NEDD4: variants seen among roughly 807,000 people sequenced by gnomAD.
The protein encoded by NEDD4 is NEDD4 E3 ubiquitin protein ligase.
In NEDD4, 99 loss-of-function variants were observed where a neutral mutation model predicts 144.9. The ratio of observed to expected loss-of-function variants is 0.68; its 90% CI spans 0.58 to 0.81. The LOEUF is 0.81. Ranked by LOEUF, NEDD4 falls within the 30% of genes least tolerant of loss-of-function variation. The pLI, the probability that NEDD4 is intolerant of heterozygous loss-of-function variation, is 0.00. For missense variants in NEDD4, 985 were observed against 1,065.9 expected (o/e 0.92, Z 1.06); for synonymous variants, 318 against 350.6 (o/e 0.91, Z 1.04).
intron 4 of NEDD4, among the ~76,000 whole-genome samples, chr15:55,935,881 G>C (rs1292071329): frequency 1.4e-5 from 2 of 144,414 alleles, no homozygotes; most frequent in Non-Finnish European, 3.0e-5. Flanking sequence ...TCAGCAAAAA[G>C]CTCTCCCTTT....
chr15:55,952,267 G>C (rs1179893927), intron 2 of NEDD4, among the ~76,000 whole-genome samples: 1 of 152,052 alleles, frequency 6.6e-6, no homozygotes, highest in African/African-American at 2.4e-5. Context: ...CTGGAAGGTG[G>C]AGCTTGCAGT....
At chr15:55,937,217 C>G (rs2036910940) in intron 4 of NEDD4, among the ~76,000 whole-genome samples, 1 of 152,134 alleles carries the variant, frequency 6.6e-6, no homozygotes, top group Non-Finnish European at 1.5e-5. Context: ...CCTTCAACTT[C>G]TGACCACAAT....
chr15:55,978,414 A>T (rs56864283), intron 1 of NEDD4, among the ~76,000 whole-genome samples: 20,524 of 152,140 alleles, frequency 0.13, 1,522 homozygotes, highest in East Asian at 0.32. Flanking sequence ...ATTCTAGAGA[A>T]TTGTCAAATT....
chr15:55,953,478 G>A (rs1230601541), intron 2 of NEDD4, among the ~76,000 whole-genome samples: 4 of 150,080 alleles, frequency 2.7e-5, no homozygotes, highest in Non-Finnish European at 5.9e-5. Context: ...GTCTCACTCT[G>A]TAATCCAGGC....
At chr15:55,854,585 GAGC>G (rs568125282) in intron 12 of NEDD4, among the ~76,000 whole-genome samples, 25 of 152,306 alleles carry the variant, frequency 1.6e-4, no homozygotes, top group African/African-American at 6.0e-4. Flanking sequence ...TAGCAATAGA[GAGC>G]AGATGAGCGG....
intron 5 of NEDD4, among the ~76,000 whole-genome samples, chr15:55,889,083 A>G (rs758891485): frequency 2.0e-5 from 3 of 152,222 alleles, no homozygotes; most frequent in Non-Finnish European, 4.4e-5. Context: ...CAACCAAATC[A>G]AAATGGACAA....
In NEDD4 at chr15:55,956,682, G is replaced by A. The variant is rs527984876; in HGVS notation, c.120-5093C>T. On this transcript the variant is annotated intron_variant, in intron 2 of 28. Coordinates refer to ENST00000435532, the MANE Select transcript of NEDD4 (RefSeq NM_006154.4). ...CACTGAACAATATATCTATTCTCAT[G>A]CCACTGCCACTCTGTCTTATTATAA... 1.1e-3 allele frequency among the ~76,000 whole-genome samples: 160 copies of A among 152,178 alleles called. 2 individuals are homozygous for A. The highest frequency in any genetic ancestry group is 3.8e-3 in the African/African-American group (157 of 41,528).
chr15:55,870,725 G>T (rs1465019282), intron 7 of NEDD4, among the ~76,000 whole-genome samples: 2 of 151,950 alleles, frequency 1.3e-5, no homozygotes, highest in East Asian at 3.9e-4. Flanking sequence ...TGTAGAGACA[G>T]GGTTTTGCCA....
chr15:55,935,319 C>T (rs2036864599), intron 4 of NEDD4, among the ~76,000 whole-genome samples: 1 of 152,112 alleles, frequency 6.6e-6, no homozygotes, highest in Admixed American at 6.6e-5. Context: ...GGGTGTCCTG[C>T]CTTCTTCCTA....
At chr15:55,872,719 G>A (rs779804986) in intron 6 of NEDD4, among the ~76,000 whole-genome samples, 4 of 152,062 alleles carry the variant, frequency 2.6e-5, no homozygotes, top group Non-Finnish European at 4.4e-5. Context: ...CCAAAGGGAG[G>A]GCAGAAGAGA....
intron 14 of NEDD4, among the ~76,000 whole-genome samples, chr15:55,849,880 C>T (rs2033910939): frequency 6.6e-6 from 1 of 151,606 alleles, no homozygotes; most frequent in Non-Finnish European, 1.5e-5. Context: ...GCAACCTCCG[C>T]CTCCTGGGTT....
chr15:55,876,611 T>C (rs557808144), intron 5 of NEDD4, among the ~76,000 whole-genome samples: 6 of 151,928 alleles, frequency 3.9e-5, no homozygotes, highest in Admixed American at 6.6e-5. Context: ...AAATGGAATA[T>C]TGGAAATATC....
chr15:55,864,030 T>C (rs868641476), intron 8 of NEDD4, among the ~76,000 whole-genome samples: 3 of 152,182 alleles, frequency 2.0e-5, no homozygotes, highest in East Asian at 1.9e-4. Context: ...ACTGAGAAGT[T>C]TGGTTTCTCA....
intron 2 of NEDD4, among the ~76,000 whole-genome samples, chr15:55,959,694 A>C (rs1468165606): frequency 1.3e-5 from 2 of 152,218 alleles, no homozygotes; most frequent in African/African-American, 2.4e-5. Flanking sequence ...TTGAAGAAGC[A>C]AACTGGCAGC....
intron 5 of NEDD4, among the ~76,000 whole-genome samples, chr15:55,895,827 A>G (rs896837087): frequency 6.6e-6 from 1 of 152,222 alleles, no homozygotes; most frequent in African/African-American, 2.4e-5. Flanking sequence ...TGGTCATATA[A>G]TTGGGATACA....
chr15:55,946,973 C>A (rs1201834713), intron 4 of NEDD4, among the ~76,000 whole-genome samples: 1 of 152,106 alleles, frequency 6.6e-6, no homozygotes, highest in East Asian at 1.9e-4. Context: ...AACAAAGACA[C>A]AACATACCAG....
At chr15:55,901,650 G>A (rs2035918443) in intron 5 of NEDD4, among the ~76,000 whole-genome samples, 1 of 152,074 alleles carries the variant, frequency 6.6e-6, no homozygotes. Flanking sequence ...ATTTTTACTT[G>A]ACTTTTTAAT....
intron 4 of NEDD4, among the ~76,000 whole-genome samples, chr15:55,927,609 G>C (rs1011652091): frequency 6.6e-6 from 1 of 152,184 alleles, no homozygotes; most frequent in Non-Finnish European, 1.5e-5. Flanking sequence ...AGTTAGGGTA[G>C]AGCCAGGATG....
At chr15:55,937,514 A>C (rs2036916808) in intron 4 of NEDD4, among the ~76,000 whole-genome samples, 1 of 152,246 alleles carries the variant, frequency 6.6e-6, no homozygotes, top group Non-Finnish European at 1.5e-5. Context: ...AATTGAAACA[A>C]ATGTGTAGCC....
Sources: gnomAD v4.1 joint callset for allele counts (sites outside exome capture counted in the v4.1 genomes callset) on GRCh38, gnomAD v4.1.1 for gene constraint, MANE v1.5 for transcripts, NCBI Gene and HGNC (gene_info 2026-07-23, HGNC 2026-07-21) for gene names.